ZNF804B: variants seen among roughly 807,000 people sequenced by gnomAD.
ZNF804B encodes the protein zinc finger 804B.
ZNF804B carries 80 observed loss-of-function variants against 101.4 expected under a neutral mutation model. The ratio of observed to expected loss-of-function variants is 0.79; its 90% CI spans 0.66 to 0.95. The LOEUF (loss-of-function observed/expected upper bound fraction) is 0.95. ZNF804B is among the 40% of genes least tolerant of loss of function. The pLI is 0.00. For missense variants in ZNF804B, 1,673 were observed against 1,561.9 expected (o/e 1.07, Z -1.20); for synonymous variants, 622 against 558.8 (o/e 1.11, Z -1.59).
intron 1 of ZNF804B, among the ~76,000 whole-genome samples, chr7:88,865,223 C>T (rs756444684): frequency 3.9e-4 from 42 of 107,842 alleles, no homozygotes; most frequent in Non-Finnish European, 6.3e-4. Context: ...AGCAAGACTT[C>T]GTATCAAAAA....
intron 2 of ZNF804B, among the ~76,000 whole-genome samples, chr7:89,263,440 A>T (rs1384215734): frequency 6.6e-6 from 1 of 152,160 alleles, no homozygotes; most frequent in Non-Finnish European, 1.5e-5. Context: ...TGGAGCTATG[A>T]CTTATTTTTA....
intron 1 of ZNF804B, among the ~76,000 whole-genome samples, chr7:89,211,556 G>A (rs1000352530): frequency 2.0e-5 from 3 of 152,114 alleles, no homozygotes; most frequent in Non-Finnish European, 4.4e-5. Flanking sequence ...GTGAAAGGAA[G>A]GGGTCCAGTT....
At chr7:88,967,838 G>A (rs967586055) in intron 1 of ZNF804B, among the ~76,000 whole-genome samples, 1 of 151,442 alleles carries the variant, frequency 6.6e-6, no homozygotes, top group Admixed American at 6.6e-5. Context: ...CCAGAGAAGG[G>A]TGTGAAAGAG....
At chr7:89,168,682 C>CTTTTTTTTTTTTTTTTTTTTTTTTTTT (rs372503661) in intron 1 of ZNF804B, among the ~76,000 whole-genome samples, 2 of 115,742 alleles carry the variant, frequency 1.7e-5, no homozygotes, top group Non-Finnish European at 3.5e-5. Context: ...GAGCTGAATA[C>CTTTTTTTTTTTTTTTTTTTTTTTTTTT]TTTTTTTTTT....
rs1383946921 is a variant in ZNF804B at position 88,759,833 on chromosome 7, G to C, written c.-144G>C. On this transcript the variant is annotated 5_prime_UTR_variant, in exon 1 of 4. Transcript: ENST00000333190. ...CCCGCACGGGGCGCGGAGCAGGGAC[G>C]CGCTGCCACCGCCTCCCCCTGCGTC... 1.5e-6 allele frequency: 1 copy of C among 657,126 alleles called. No individual in the cohort carries two copies. The highest frequency in any genetic ancestry group is 1.8e-5 in the African/African-American group (1 of 54,922). The allele number at this position is 657,126 out of a possible 1,614,324, so 40.7% of individuals were successfully genotyped here. A position where few individuals can be genotyped will look rare whatever the true frequency, so the allele number is the denominator to read the frequency against.
intron 1 of ZNF804B, among the ~76,000 whole-genome samples, chr7:89,093,770 C>G (rs776306164): frequency 2.6e-5 from 4 of 152,200 alleles, no homozygotes; most frequent in Non-Finnish European, 5.9e-5. Context: ...GGAGGACCCC[C>G]TTCAACAGGT....
chr7:89,305,597 T>A (rs1350778320), intron 2 of ZNF804B, among the ~76,000 whole-genome samples: 14 of 152,002 alleles, frequency 9.2e-5, no homozygotes, highest in Admixed American at 9.2e-4. Context: ...ATAACAAATT[T>A]CCTATAGTTG....
chr7:89,039,023 A>G (rs916362393), intron 1 of ZNF804B, among the ~76,000 whole-genome samples: 4 of 151,646 alleles, frequency 2.6e-5, no homozygotes, highest in African/African-American at 9.7e-5. Flanking sequence ...CAGTATGGTG[A>G]TTTTCTATTT....
chr7:89,164,898 T>G (rs1034175828), intron 1 of ZNF804B, among the ~76,000 whole-genome samples: 1 of 152,072 alleles, frequency 6.6e-6, no homozygotes, highest in African/African-American at 2.4e-5. Flanking sequence ...TGTTTTTTAT[T>G]TGTCTTGCTC....
At chr7:88,941,361 C>T (rs1204387011) in intron 1 of ZNF804B, among the ~76,000 whole-genome samples, 1 of 151,888 alleles carries the variant, frequency 6.6e-6, no homozygotes, top group Non-Finnish European at 1.5e-5. Flanking sequence ...TGGAAGTAAC[C>T]AAGATGTCCT....
At chr7:89,139,292 G>A (rs574724562) in intron 1 of ZNF804B, among the ~76,000 whole-genome samples, 4 of 152,130 alleles carry the variant, frequency 2.6e-5, no homozygotes, top group Admixed American at 6.5e-5. Context: ...TGCTGGTTGC[G>A]GCTCTTGCCT....
chr7:89,275,699 C>T (rs1562934199), intron 2 of ZNF804B, among the ~76,000 whole-genome samples: 1 of 151,940 alleles, frequency 6.6e-6, no homozygotes, highest in Admixed American at 6.6e-5. Context: ...TTTCACATTT[C>T]TCATTTCCAA....
At chr7:89,020,652 T>G in intron 1 of ZNF804B, among the ~76,000 whole-genome samples, 1 of 152,200 alleles carries the variant, frequency 6.6e-6, no homozygotes, top group East Asian at 1.9e-4. Context: ...ATAGGTTTTC[T>G]ATACCTTTTC....
At chr7:89,275,830 A>G (rs2115851685) in intron 2 of ZNF804B, among the ~76,000 whole-genome samples, 1 of 151,932 alleles carries the variant, frequency 6.6e-6, no homozygotes, top group South Asian at 2.1e-4. Context: ...ACTTATGAAT[A>G]TATCCCCATC....
chr7:89,265,322 G>A (rs955193057), intron 2 of ZNF804B, among the ~76,000 whole-genome samples: 1 of 145,194 alleles, frequency 6.9e-6, no homozygotes, highest in Non-Finnish European at 1.5e-5. Context: ...ACATGCACGT[G>A]CACAGGCACA....
intron 1 of ZNF804B, among the ~76,000 whole-genome samples, chr7:89,132,866 C>T (rs1790574411): frequency 6.6e-6 from 1 of 151,986 alleles, no homozygotes; most frequent in East Asian, 1.9e-4. Context: ...TTCCCAACCA[C>T]AGTGCTGAGA....
At chr7:88,804,126 G>A (rs1790649486) in intron 1 of ZNF804B, among the ~76,000 whole-genome samples, 1 of 152,020 alleles carries the variant, frequency 6.6e-6, no homozygotes, top group African/African-American at 2.4e-5. Context: ...AAATAGATCT[G>A]GTAAAATAGT....
At chr7:88,899,550 A>G (rs938988251) in intron 1 of ZNF804B, among the ~76,000 whole-genome samples, 2 of 152,252 alleles carry the variant, frequency 1.3e-5, no homozygotes, top group African/African-American at 2.4e-5. Context: ...CTAGCCAATC[A>G]TCTTGCCTCC....
intron 2 of ZNF804B, among the ~76,000 whole-genome samples, chr7:89,233,066 C>T (rs995044267): frequency 3.3e-5 from 5 of 152,082 alleles, no homozygotes; most frequent in African/African-American, 7.2e-5. Flanking sequence ...GGACTACAGG[C>T]GCCCGCCACC....
Sources: allele counts gnomAD v4.1 joint callset (sites outside exome capture counted in the v4.1 genomes callset), GRCh38; gene constraint gnomAD v4.1.1; transcripts MANE v1.5; gene names NCBI Gene and HGNC (gene_info 2026-07-23, HGNC 2026-07-21).